The following CCDC198 variants were observed in gnomAD, a reference collection of about 807,000 sequenced individuals.
CCDC198 encodes the protein factor associated with metabolism and energy.
In CCDC198, 18 loss-of-function variants were observed where a neutral mutation model predicts 35.6. The observed-to-expected ratio is 0.51, with a 90% CI of 0.35 to 0.75. The LOEUF (loss-of-function observed/expected upper bound fraction) is 0.75. CCDC198 is among the 30% of genes least tolerant of loss of function. The probability of loss-of-function intolerance (pLI) is 0.01; values close to 1 mark genes in which losing one functional copy is unlikely to be tolerated. For synonymous variants in CCDC198, 119 were observed against 113.4 expected, an observed-to-expected ratio of 1.05 and a Z score of -0.31; for missense variants, 365 against 343.7, an observed-to-expected ratio of 1.06 and a Z score of -0.49.
chr14:57,490,916 G>A, intron 2 of CCDC198, 73 bp downstream of exon 2: 1 of 1,309,260 alleles, frequency 7.6e-7, no homozygotes, highest in South Asian at 1.3e-5. Flanking sequence ...CCTCTTTGAT[G>A]ATTATAGTTT....
At chr14:57,472,350 C>G (rs1172382530) in intron 5 of CCDC198, among the ~76,000 whole-genome samples, 1 of 151,900 alleles carries the variant, frequency 6.6e-6, no homozygotes, top group African/African-American at 2.4e-5. Flanking sequence ...TTCATTTTTC[C>G]TAATGTAATG....
chr14:57,474,601 A>T (rs2066913345), intron 5 of CCDC198, among the ~76,000 whole-genome samples: 1 of 152,252 alleles, frequency 6.6e-6, no homozygotes, highest in South Asian at 2.1e-4. Context: ...AGTATTACAT[A>T]CATAGTTTTG....
chr14:57,480,136 C>G, intron 5 of CCDC198: 3 of 343,618 alleles, frequency 8.7e-6, no homozygotes, highest in South Asian at 1.2e-4. Flanking sequence ...GTGATTCATT[C>G]TAGAAATTCT....
At chr14:57,480,440 A>G (rs916161791) in intron 5 of CCDC198, 155 bp downstream of exon 5, 110 of 714,132 alleles carry the variant, frequency 1.5e-4, no homozygotes, top group Non-Finnish European at 1.8e-4. Context: ...CCAAAATTAC[A>G]TGACAACATG....
At chr14:57,485,342 C>A (rs2067325535) in intron 2 of CCDC198, among the ~76,000 whole-genome samples, 1 of 152,044 alleles carries the variant, frequency 6.6e-6, no homozygotes, top group African/African-American at 2.4e-5. Context: ...AATAAGCTGG[C>A]CAAGGAGACT....
intron 1 of CCDC198, 35 bp from the exon 2 acceptor site, chr14:57,491,106 T>G: frequency 6.3e-7 from 1 of 1,593,088 alleles, no homozygotes. Flanking sequence ...GAATAAAACA[T>G]TAAATATAAT....
intron 1 of CCDC198, 73 bp downstream of exon 1, chr14:57,493,420 G>A (rs1165471074): frequency 2.4e-6 from 3 of 1,266,876 alleles, no homozygotes; most frequent in African/African-American, 1.5e-5. Flanking sequence ...AGATCATGGA[G>A]ACAGTCAGAT....
At chr14:57,478,283 C>T (rs2067067668) in intron 5 of CCDC198, among the ~76,000 whole-genome samples, 1 of 152,172 alleles carries the variant, frequency 6.6e-6, no homozygotes, top group African/African-American at 2.4e-5. Flanking sequence ...GTTCCAAGTC[C>T]TTGGTGTCCT....
intron 5 of CCDC198, 141 bp downstream of exon 5, chr14:57,480,454 A>T: frequency 8.3e-7 from 1 of 1,202,190 alleles, no homozygotes; most frequent in Non-Finnish European, 1.2e-6. Context: ...CAACATGCCC[A>T]CTATATTCTG....
chr14:57,491,901 T>C (rs1001680365), intron 1 of CCDC198, among the ~76,000 whole-genome samples: 2 of 152,128 alleles, frequency 1.3e-5, no homozygotes, highest in African/African-American at 4.8e-5. Flanking sequence ...TCTCTCTCCT[T>C]AAGACATGTG....
At chr14:57,475,707 T>TA (rs35649947) in intron 5 of CCDC198, 64,386 of 358,626 alleles carry the variant, frequency 0.18, 3,711 homozygotes, top group Non-Finnish European at 0.22. Context: ...AACTCTGTCT[T>TA]AAAAAAAAAA....
Position 57,471,381 on chromosome 14 carries a change from A to C in CCDC198, c.865T>G (p.Phe289Val). 6.2e-7 allele frequency: 1 copy of C among 1,612,988 alleles called. No individual in the cohort carries two copies. Among genetic ancestry groups the C allele is most frequent in the Non-Finnish European group, 8.5e-7 (1 of 1,179,672 alleles). The stretch of plus-strand genomic sequence containing the variant: ...TATTCTTGATCAAAAAACTCATCGA[A>C]AAGTGGGATTCTCTCTGTCCTGGTC... ...VRTRTERIPL[F>V]DEFFDQE is the part of the protein sequence containing the mutation. The change falls in exon 6 of 6, where the codon TTC (phenylalanine) becomes GTC (valine). Residue 289 changes from phenylalanine to valine, a missense_variant. Coordinates refer to ENST00000216445, the MANE Select transcript of CCDC198 (RefSeq NM_018168.4).
Position 57,470,943 on chromosome 14 carries a change from T to C in CCDC198, c.*412A>G, listed in dbSNP as rs2066801845. 6.1e-6 allele frequency: 1 copy of C among 164,534 alleles called. No individual in the cohort carries two copies. Among genetic ancestry groups the C allele is most frequent in the South Asian group, 1.7e-4 (1 of 6,056 alleles). The allele number at this position is 164,534 out of a possible 1,614,324, so 10.2% of individuals were successfully genotyped here. On this transcript the variant is annotated 3_prime_UTR_variant, in exon 6 of 6. Coordinates refer to ENST00000216445, the MANE Select transcript of CCDC198 (RefSeq NM_018168.4). ...GCAGTGTCCTGCTGAAGAGATCATA[T>C]GCAGATGCTCTGAGGCTACATGGAT...
At chr14:57,488,505 T>C (rs1221678838) in intron 2 of CCDC198, among the ~76,000 whole-genome samples, 1 of 152,100 alleles carries the variant, frequency 6.6e-6, no homozygotes, top group African/African-American at 2.4e-5. Flanking sequence ...CATTTACTCA[T>C]TCATTTTACT....
intron 2 of CCDC198, among the ~76,000 whole-genome samples, chr14:57,487,313 T>G (rs1265066052): frequency 6.6e-6 from 1 of 152,074 alleles, no homozygotes; most frequent in East Asian, 1.9e-4. Context: ...GCTAGGAGAT[T>G]TGGGAATCTG....
intron 3 of CCDC198, 81 bp from the exon 4 acceptor site, chr14:57,481,741 C>T: frequency 1.1e-6 from 1 of 878,888 alleles, no homozygotes; most frequent in Non-Finnish European, 1.8e-6. Flanking sequence ...CTTTTTGAAA[C>T]AGAGTCAGAT....
At chr14:57,487,021 T>C (rs1040613822) in intron 2 of CCDC198, among the ~76,000 whole-genome samples, 3 of 152,168 alleles carry the variant, frequency 2.0e-5, no homozygotes, top group African/African-American at 7.2e-5. Context: ...TGAGAAGCAC[T>C]GCAGAAAATT....
At chr14:57,474,769 G>A (rs757840635) in intron 5 of CCDC198, among the ~76,000 whole-genome samples, 1 of 152,100 alleles carries the variant, frequency 6.6e-6, no homozygotes, top group Non-Finnish European at 1.5e-5. Context: ...GCAGAGTAAA[G>A]GAAAGTGTAT....
At chr14:57,492,268 T>A (rs1334538595) in intron 1 of CCDC198, among the ~76,000 whole-genome samples, 1 of 152,028 alleles carries the variant, frequency 6.6e-6, no homozygotes, top group African/African-American at 2.4e-5. Context: ...ATCATGAGGA[T>A]TCTCATGATC....
Sources: gnomAD v4.1 joint callset for allele counts (sites outside exome capture counted in the v4.1 genomes callset) on GRCh38, gnomAD v4.1.1 for gene constraint, MANE v1.5 for transcripts, NCBI Gene and HGNC (gene_info 2026-07-23, HGNC 2026-07-21) for gene names.